LRRC69: variants seen among roughly 807,000 people sequenced by gnomAD.
The protein encoded by LRRC69 is leucine-rich repeat-containing protein 69.
Under a neutral mutation model 37.8 loss-of-function variants are expected in LRRC69, and 42 were observed. The observed-to-expected ratio is 1.11, with a 90% CI of 0.87 to 1.44. The LOEUF (loss-of-function observed/expected upper bound fraction) is 1.44, where lower values mean the gene tolerates loss of function less well. Among genes scored for constraint, LRRC69 ranks in the 40% most tolerant of loss-of-function variants. The pLI is 0.00. For synonymous variants in LRRC69, 141 were observed against 143.1 expected, an observed-to-expected ratio of 0.99 and a Z score of 0.11; for missense variants, 357 against 401.9, an observed-to-expected ratio of 0.89 and a Z score of 0.96.
At chr8:91,208,921 TTCTC>T (rs1809854852) in intron 7 of LRRC69, among the ~76,000 whole-genome samples, 1 of 152,188 alleles carries the variant, frequency 6.6e-6, no homozygotes. Context: ...TGTTTGCTGG[TTCTC>T]TTTCAACCAC....
At chr8:91,122,907 A>T (rs1176182953) in intron 1 of LRRC69, among the ~76,000 whole-genome samples, 1 of 152,078 alleles carries the variant, frequency 6.6e-6, no homozygotes, top group Non-Finnish European at 1.5e-5. Context: ...TGCAGCCAGA[A>T]GTAAGGTGGA....
chr8:91,157,619 A>G, intron 5 of LRRC69: 1 of 1,563,438 alleles, frequency 6.4e-7, no homozygotes, highest in Admixed American at 1.7e-5. Flanking sequence ...GCAGATGAAG[A>G]CTTTCAGGAA....
intron 6 of LRRC69, among the ~76,000 whole-genome samples, chr8:91,191,065 G>T (rs1285491186): frequency 7.7e-6 from 1 of 130,270 alleles, no homozygotes; most frequent in Non-Finnish European, 1.6e-5. Flanking sequence ...AAGTCAAAAA[G>T]CAACAACAAC....
chr8:91,149,970 T>G (rs1347217141), intron 5 of LRRC69, among the ~76,000 whole-genome samples: 1 of 152,028 alleles, frequency 6.6e-6, no homozygotes, highest in Non-Finnish European at 1.5e-5. Context: ...CCTATCAGCT[T>G]AAGGAGATTT....
chr8:91,196,696 C>T (rs1427600430), intron 6 of LRRC69, among the ~76,000 whole-genome samples: 2 of 151,804 alleles, frequency 1.3e-5, no homozygotes, highest in East Asian at 1.9e-4. Context: ...TCAGCTCCAT[C>T]AGCTCCTTTA....
intron 6 of LRRC69, among the ~76,000 whole-genome samples, chr8:91,190,906 C>G (rs1352216264): frequency 6.6e-6 from 1 of 151,908 alleles, no homozygotes; most frequent in East Asian, 1.9e-4. Flanking sequence ...TTTTAAAAAC[C>G]TTAGCCAGGC....
intron 1 of LRRC69, among the ~76,000 whole-genome samples, chr8:91,116,476 ATGTAT>A (rs917625670): frequency 3.3e-5 from 5 of 151,970 alleles, no homozygotes; most frequent in African/African-American, 9.7e-5. Flanking sequence ...TGAGAATTTC[ATGTAT>A]TGTATTCCAT....
intron 5 of LRRC69, chr8:91,157,759 G>C: frequency 1.2e-6 from 2 of 1,607,578 alleles, no homozygotes; most frequent in Non-Finnish European, 1.7e-6. Flanking sequence ...CCTTCTACCT[G>C]GGAGAGAGGA....
intron 1 of LRRC69, among the ~76,000 whole-genome samples, chr8:91,122,077 T>C (rs767968757): frequency 6.6e-6 from 1 of 152,116 alleles, no homozygotes; most frequent in Non-Finnish European, 1.5e-5. Flanking sequence ...CTAACTCTTA[T>C]GTAAGAACTT....
intron 6 of LRRC69, among the ~76,000 whole-genome samples, chr8:91,197,557 T>A (rs1809633307): frequency 6.6e-6 from 1 of 152,128 alleles, no homozygotes; most frequent in East Asian, 1.9e-4. Context: ...GCGCCGTTTT[T>A]TAAGCCCGTC....
At chr8:91,171,493 T>G (rs538425584) in intron 5 of LRRC69, among the ~76,000 whole-genome samples, 1 of 152,176 alleles carries the variant, frequency 6.6e-6, no homozygotes, top group East Asian at 1.9e-4. Context: ...TTCTTACTTT[T>G]TTACCTCATG....
chr8:91,125,682 C>T (rs1336321743), intron 2 of LRRC69, among the ~76,000 whole-genome samples: 1 of 151,532 alleles, frequency 6.6e-6, no homozygotes, highest in Non-Finnish European at 1.5e-5. Context: ...TATACATAAA[C>T]AATATTGAAC....
In LRRC69 at chr8:91,158,877, A is replaced by C. The variant is rs1808886234; in HGVS notation, c.651+23138A>C. 6.5e-6 allele frequency: 4 copies of C among 615,300 alleles called. No individual in the cohort carries two copies. The Admixed American group carries it at 8.5e-5, about 13-fold the overall frequency. 38.1% of individuals were successfully genotyped at this position (615,300 alleles called of 1,614,324 possible). On this transcript the variant is annotated intron_variant, in intron 5 of 7. Transcript: ENST00000448384. ...TAAACATTGAAAGAAGACTGGAAAC[A>C]TACAACTTTGTGCATTTGTGGGGGA... is the stretch of plus-strand genomic sequence containing the variant.
rs758982606 is a variant in LRRC69, at chr8:91,197,032, CT to C, written c.754-3578del. Among the ~76,000 whole-genome samples, 894 of 150,188 alleles carry C rather than the reference CT, an allele frequency of 6.0e-3. 5 individuals are homozygous for C. Among genetic ancestry groups the C allele is most frequent in the Middle Eastern group, 0.02 (6 of 294 alleles). ...CAGATGGGTTTTTGGTGTGGATGTCCTTTCTGTTTGTTAGTTTTCCTTCTAA... is the reference window on the plus strand; with the variant it reads ...CAGATGGGTTTTTGGTGTGGATGTCCTTCTGTTTGTTAGTTTTCCTTCTAA... On this transcript the variant is annotated intron_variant, in intron 6 of 7. Transcript: ENST00000448384.
chr8:91,121,031 C>T (rs1813609530), intron 1 of LRRC69, among the ~76,000 whole-genome samples: 2 of 151,988 alleles, frequency 1.3e-5, no homozygotes, highest in South Asian at 4.2e-4. Flanking sequence ...TTCCCCATCT[C>T]AGGTGCTCAA....
At chr8:91,136,194 A>G (rs1808417825) in intron 5 of LRRC69, among the ~76,000 whole-genome samples, 1 of 151,980 alleles carries the variant, frequency 6.6e-6, no homozygotes, top group Non-Finnish European at 1.5e-5. Context: ...TCAAATATGG[A>G]GAAACCGTTT....
At chr8:91,167,015 C>G (rs1364320136) in intron 5 of LRRC69, among the ~76,000 whole-genome samples, 1 of 151,748 alleles carries the variant, frequency 6.6e-6, no homozygotes, top group East Asian at 1.9e-4. Context: ...TGCCCCACTC[C>G]CTGTTGGGCT....
intron 1 of LRRC69, among the ~76,000 whole-genome samples, chr8:91,124,209 G>A (rs772342729): frequency 2.6e-5 from 4 of 151,880 alleles, no homozygotes; most frequent in African/African-American, 9.7e-5. Flanking sequence ...ATGGATCATC[G>A]GTTGTGGTTT....
At chr8:91,171,498 C>T (rs1809131226) in intron 5 of LRRC69, among the ~76,000 whole-genome samples, 1 of 151,984 alleles carries the variant, frequency 6.6e-6, no homozygotes, top group Non-Finnish European at 1.5e-5. Context: ...ACTTTTTTAC[C>T]TCATGGGCCA....
Sources: allele counts gnomAD v4.1 joint callset (sites outside exome capture counted in the v4.1 genomes callset), GRCh38; gene constraint gnomAD v4.1.1; transcripts MANE v1.5; gene names NCBI Gene and HGNC (gene_info 2026-07-23, HGNC 2026-07-21).